Variants in CFAP299 observed in about 807,000 individuals in gnomAD.
CFAP299 encodes the protein cilia and flagella associated protein 299.
A neutral mutation model predicts 27.0 loss-of-function variants in CFAP299; 21 were observed. That is an observed-to-expected ratio of 0.78 (90% confidence interval 0.55 to 1.12). The LOEUF (loss-of-function observed/expected upper bound fraction) is 1.12. Among genes scored for constraint, CFAP299 ranks in the 50% most tolerant of loss-of-function variants. The probability of loss-of-function intolerance (pLI) is 0.00; values close to 1 mark genes in which losing one functional copy is unlikely to be tolerated. For missense variants in CFAP299, 310 were observed against 276.6 expected, an observed-to-expected ratio of 1.12 and a Z score of -0.86; for synonymous variants, 104 against 98.1, an observed-to-expected ratio of 1.06 and a Z score of -0.36.
At chr4:80,500,194 T>G (rs1731673311) in intron 2 of CFAP299, among the ~76,000 whole-genome samples, 2 of 152,096 alleles carry the variant, frequency 1.3e-5, no homozygotes, top group South Asian at 4.1e-4. Context: ...CTATTCTACC[T>G]AGTCTCTCTG....
intron 2 of CFAP299, among the ~76,000 whole-genome samples, chr4:80,435,340 G>A (rs1359116444): frequency 2.0e-5 from 3 of 152,110 alleles, no homozygotes; most frequent in Non-Finnish European, 4.4e-5. Flanking sequence ...AGGGTAATAA[G>A]GAAAGGCAAG....
chr4:80,856,870 T>C (rs1578187643), intron 3 of CFAP299, among the ~76,000 whole-genome samples: 2 of 152,134 alleles, frequency 1.3e-5, no homozygotes, highest in South Asian at 4.2e-4. Context: ...TGGCTTAGGA[T>C]TGACTTGGTG....
chr4:80,446,574 C>T (rs750027278), intron 2 of CFAP299, among the ~76,000 whole-genome samples: 6 of 152,104 alleles, frequency 3.9e-5, no homozygotes, highest in Non-Finnish European at 8.8e-5. Context: ...GGCCTTTGAG[C>T]CATTTTTTTT....
chr4:80,349,872 A>C (rs1722934211), intron 1 of CFAP299, among the ~76,000 whole-genome samples: 2 of 152,242 alleles, frequency 1.3e-5, no homozygotes, highest in Admixed American at 6.5e-5. Flanking sequence ...GCAGTCTAGC[A>C]GTGCAGTGCT....
chr4:80,891,830 G>GAAAAAAAAAA (rs35425830), intron 4 of CFAP299, among the ~76,000 whole-genome samples: 17 of 53,988 alleles, frequency 3.1e-4, no homozygotes, highest in Non-Finnish European at 4.0e-4. Context: ...TAGATTAAAG[G>GAAAAAAAAAA]AAAAAAAAAA....
chr4:80,805,643 A>G (rs1728824936), intron 3 of CFAP299, among the ~76,000 whole-genome samples: 2 of 152,138 alleles, frequency 1.3e-5, no homozygotes. Flanking sequence ...CAGGAGTTCA[A>G]GACTAGCGTG....
chr4:80,771,082 A>T (rs953074685), intron 3 of CFAP299, among the ~76,000 whole-genome samples: 1 of 152,078 alleles, frequency 6.6e-6, no homozygotes, highest in Non-Finnish European at 1.5e-5. Context: ...GGGTTATCCT[A>T]GGCATGCGTA....
chr4:80,946,986 G>T lies in CFAP299; in HGVS notation c.606+2047G>T, dbSNP rs189390061. ...GACATCATATTTAAACTATTTTAGG[G>T]CTGTATTTTAACTAATGGCATATTT... On this transcript the variant is annotated intron_variant, in intron 5 of 5. Coordinates refer to ENST00000358105, the MANE Select transcript of CFAP299 (RefSeq NM_152770.3). 4.1e-3 allele frequency among the ~76,000 whole-genome samples: 618 copies of T among 152,168 alleles called. 1 individual carries two copies. The highest frequency in any genetic ancestry group is 0.014 in the Middle Eastern group (4 of 294).
chr4:80,496,291 C>T (rs1427309647), intron 2 of CFAP299, among the ~76,000 whole-genome samples: 1 of 152,154 alleles, frequency 6.6e-6, no homozygotes, highest in Non-Finnish European at 1.5e-5. Flanking sequence ...TAGAAACACC[C>T]ACACCACATC....
At chr4:80,443,393 C>T (rs557728941) in intron 2 of CFAP299, among the ~76,000 whole-genome samples, 18 of 152,246 alleles carry the variant, frequency 1.2e-4, no homozygotes, top group African/African-American at 2.9e-4. Context: ...AGTCAATAAA[C>T]GTAATCCATC....
chr4:80,467,525 CT>C (rs1729765627), intron 2 of CFAP299, among the ~76,000 whole-genome samples: 1 of 152,172 alleles, frequency 6.6e-6, no homozygotes, highest in Non-Finnish European at 1.5e-5. Context: ...GAAAGAGTTC[CT>C]TAATTCCTTG....
At chr4:80,857,017 T>C (rs1036198632) in intron 3 of CFAP299, among the ~76,000 whole-genome samples, 7 of 152,230 alleles carry the variant, frequency 4.6e-5, no homozygotes, top group African/African-American at 1.4e-4. Context: ...TTCACGATAT[T>C]GATTCTTCCT....
intron 4 of CFAP299, among the ~76,000 whole-genome samples, chr4:80,926,698 T>G (rs547189086): frequency 6.6e-6 from 1 of 152,146 alleles, no homozygotes; most frequent in South Asian, 2.1e-4. Flanking sequence ...ATTGCTTCTT[T>G]CTGTTTCACT....
rs543792279 is a variant in CFAP299 at position 80,770,455 on chromosome 4, G to A, written c.334-99538G>A. On this transcript the variant is annotated intron_variant, in intron 3 of 5. Coordinates refer to ENST00000358105, the MANE Select transcript of CFAP299 (RefSeq NM_152770.3). The stretch of plus-strand genomic sequence containing the variant: ...AGCTGTGTTTTCTACATAACTGCAG[G>A]AAAAAATTTTGCTAAGCATTCTGCC... 3.9e-5 allele frequency among the ~76,000 whole-genome samples: 6 copies of A among 152,070 alleles called. No homozygotes were observed. The South Asian group carries it at 1.2e-3, about 32-fold the overall frequency.
At chr4:80,840,696 C>T (rs1389992275) in intron 3 of CFAP299, among the ~76,000 whole-genome samples, 1 of 151,986 alleles carries the variant, frequency 6.6e-6, no homozygotes, top group Non-Finnish European at 1.5e-5. Context: ...TCCTTCTGGA[C>T]TTATGAGCAA....
chr4:80,743,965 T>G (rs1724436034), intron 3 of CFAP299, among the ~76,000 whole-genome samples: 1 of 152,232 alleles, frequency 6.6e-6, no homozygotes. Flanking sequence ...TTGGGAGATT[T>G]ACTTTAATGT....
intron 2 of CFAP299, among the ~76,000 whole-genome samples, chr4:80,437,873 G>C (rs1728168201): frequency 6.6e-6 from 1 of 152,036 alleles, no homozygotes; most frequent in Non-Finnish European, 1.5e-5. Flanking sequence ...TAGCACTATT[G>C]TTGTTGTCCT....
At chr4:80,633,474 A>C (rs1321536643) in intron 3 of CFAP299, among the ~76,000 whole-genome samples, 1 of 152,100 alleles carries the variant, frequency 6.6e-6, no homozygotes, top group Non-Finnish European at 1.5e-5. Flanking sequence ...TAAATAATAA[A>C]TAAAAGTGGA....
intron 3 of CFAP299, among the ~76,000 whole-genome samples, chr4:80,655,028 T>C (rs1740487290): frequency 1.3e-5 from 2 of 152,252 alleles, no homozygotes; most frequent in African/African-American, 4.8e-5. Context: ...CAAAATGTAA[T>C]ATTTTAATAA....
Sources: allele counts gnomAD v4.1 joint callset (sites outside exome capture counted in the v4.1 genomes callset), GRCh38; gene constraint gnomAD v4.1.1; transcripts MANE v1.5; gene names NCBI Gene and HGNC (gene_info 2026-07-23, HGNC 2026-07-21).